GAB2: variants seen among roughly 807,000 people sequenced by gnomAD.
GAB2 encodes GRB2 associated binding protein 2.
GAB2 carries 26 observed loss-of-function variants against 65.5 expected under a neutral mutation model. That is an observed-to-expected ratio of 0.40 (90% confidence interval 0.29 to 0.55). GAB2 has a LOEUF of 0.55. Among genes scored for constraint, GAB2 ranks in the 20% least tolerant of loss-of-function variants. GAB2 has a pLI of 0.53. For missense variants in GAB2, 884 were observed against 875.8 expected, an observed-to-expected ratio of 1.01 and a Z score of -0.12; for synonymous variants, 321 against 329.6, an observed-to-expected ratio of 0.97 and a Z score of 0.28.
At position 78,280,782 on chromosome 11, in the gene GAB2, G is replaced by C; in HGVS notation, c.195C>G (p.Phe65Leu). 1 of 1,614,126 alleles carries C rather than the reference G, an allele frequency of 6.2e-7. No homozygotes were observed. Among genetic ancestry groups the C allele is most frequent in the East Asian group, 2.2e-5 (1 of 44,886 alleles). The change falls in exon 2 of 10, where the codon TTC becomes TTG. Residue 65 changes from phenylalanine (F) to leucine (L), a missense_variant. Phe to Leu is a conservative substitution (Grantham distance 22). Coordinates refer to ENST00000361507, the MANE Select transcript of GAB2 (RefSeq NM_080491.3). ...KKPLRIINLN[F>L]CEQVDAGLTF... ...TCAGGCCTGCATCTACCTGCTCACAGAAGTTCAGGTTGATGATCCGCAGAG... is the reference window on the plus strand; with the variant it reads ...TCAGGCCTGCATCTACCTGCTCACACAAGTTCAGGTTGATGATCCGCAGAG...
intron 3 of GAB2, among the ~76,000 whole-genome samples, chr11:78,244,663 TA>T (rs36056237): frequency 0.17 from 12,560 of 74,170 alleles, 531 homozygotes; most frequent in East Asian, 0.33. Context: ...ACATTCATAG[TA>T]AAAAAAAAAA....
intron 1 of GAB2, among the ~76,000 whole-genome samples, chr11:78,385,904 C>T (rs544881745): frequency 3.3e-5 from 5 of 152,214 alleles, no homozygotes; most frequent in Admixed American, 6.5e-5. Context: ...ATCTTTCATG[C>T]CTAGCACAAG....
chr11:78,338,751 T>A (rs909966832), intron 1 of GAB2, among the ~76,000 whole-genome samples: 3 of 152,162 alleles, frequency 2.0e-5, no homozygotes, highest in Non-Finnish European at 4.4e-5. Context: ...GGACCAGTCA[T>A]CCCATGATTG....
intron 1 of GAB2, among the ~76,000 whole-genome samples, chr11:78,339,038 T>C (rs1856049399): frequency 6.6e-6 from 1 of 152,126 alleles, no homozygotes. Context: ...TTTTTGTGCG[T>C]CAACCTCCCG....
At chr11:78,318,458 T>G (rs537322238) in intron 1 of GAB2, among the ~76,000 whole-genome samples, 1 of 147,556 alleles carries the variant, frequency 6.8e-6, no homozygotes. Flanking sequence ...TGGAGAGGGA[T>G]AGGATCCAGT....
intron 1 of GAB2, among the ~76,000 whole-genome samples, chr11:78,395,056 G>T (rs1856878515): frequency 6.6e-6 from 1 of 151,638 alleles, no homozygotes; most frequent in Admixed American, 6.5e-5. Flanking sequence ...CTGGGCACTG[G>T]AATGACTGGA....
At position 78,370,713 on chromosome 11, in the gene GAB2, G is replaced by A. The variant is rs112976209; in HGVS notation, c.75+46933C>T. Among the ~76,000 whole-genome samples the A allele has an allele frequency of 3.3e-5, 4 of 120,868 alleles. No individual in the cohort carries two copies. In the East Asian group the frequency reaches 1.1e-3, roughly 34 times the overall value. The allele number at this position is 120,868 out of a possible 152,430, so 79.3% of individuals were successfully genotyped here. A position where few individuals can be genotyped will look rare whatever the true frequency, so the allele number is the denominator to read the frequency against. On this transcript the variant is annotated intron_variant, in intron 1 of 9. Transcript: ENST00000361507. ...CTACTAATATTGTATGTGTGTGTGC[G>A]TGTGTGTGTGTATGTGTGTGTGTGT...
rs1856536563 is a variant in GAB2, at chr11:78,369,179, A to T, written c.75+48467T>A. Among the ~76,000 whole-genome samples, 6 of 151,334 alleles carry T rather than the reference A, an allele frequency of 4.0e-5. No individual in the cohort carries two copies. In the South Asian group the frequency reaches 1.0e-3, roughly 26 times the overall value. On this transcript the variant is annotated intron_variant, in intron 1 of 9. Coordinates refer to ENST00000361507, the MANE Select transcript of GAB2 (RefSeq NM_080491.3). ...AAAAAAAGTCAGATAAGTAATTCTC[A>T]ATGCCAGGAAAATTTATCATCCCTG...
intron 2 of GAB2, among the ~76,000 whole-genome samples, chr11:78,256,131 T>C (rs1481635257): frequency 1.3e-5 from 2 of 152,248 alleles, no homozygotes; most frequent in East Asian, 3.9e-4. Context: ...ATATCAGCAT[T>C]ATTCATGAGA....
intron 1 of GAB2, among the ~76,000 whole-genome samples, chr11:78,348,427 A>T (rs1409395301): frequency 6.6e-6 from 1 of 152,248 alleles, no homozygotes; most frequent in African/African-American, 2.4e-5. Flanking sequence ...AATGGGCAAA[A>T]GATTTGAACA....
intron 1 of GAB2, among the ~76,000 whole-genome samples, chr11:78,323,218 C>A (rs1230799889): frequency 1.3e-5 from 2 of 152,062 alleles, no homozygotes; most frequent in Non-Finnish European, 2.9e-5. Context: ...AATGTAGAAA[C>A]AGAAAACCAG....
chr11:78,342,277 ACT>A (rs1024799688), intron 1 of GAB2, among the ~76,000 whole-genome samples: 5 of 151,512 alleles, frequency 3.3e-5, no homozygotes, highest in African/African-American at 1.2e-4. Flanking sequence ...TCCCAGCCTT[ACT>A]CTCTGTTGAA....
chr11:78,383,039 A>G (rs1210054111), intron 1 of GAB2, among the ~76,000 whole-genome samples: 1 of 152,118 alleles, frequency 6.6e-6, no homozygotes, highest in Non-Finnish European at 1.5e-5. Context: ...TTGGGAGGCC[A>G]AGGCAGGTGG....
At chr11:78,314,067 T>C (rs532358621) in intron 1 of GAB2, among the ~76,000 whole-genome samples, 130 of 152,278 alleles carry the variant, frequency 8.5e-4, no homozygotes, top group African/African-American at 3.1e-3. Context: ...TCCTGTGCAA[T>C]TCACCCATAA....
At position 78,250,370 on chromosome 11, in the gene GAB2, T is replaced by C. The variant is rs777023521; in HGVS notation, c.407A>G (p.His136Arg). ...CTCAGCTGGAGAAGAGCGGGGGCCA[T>C]GACCGGCTGAGGAAACATTTCTCAG... ...DSLRNVSSAG[H>R]GPRSSPAELS... The change falls in exon 3 of 10, where the codon CAT becomes CGT. Residue 136 changes from histidine (H) to arginine (R), a missense_variant. Physicochemically the swap from His to Arg is conservative, Grantham distance 29. Transcript: ENST00000361507. The C allele has an allele frequency of 1.2e-6, 2 of 1,613,232 alleles. No individual in the cohort carries two copies. The highest frequency in any genetic ancestry group is 1.1e-5 in the South Asian group (1 of 91,014).
rs892669525 is a variant in GAB2, at chr11:78,215,588, C to T, written c.*3684G>A. ...GGCTTCCACTAGCCCATTTTCTCTT[C>T]CTGACAAACAGTGACAATTCTGCGT... On this transcript the variant is annotated 3_prime_UTR_variant, in exon 10 of 10. Transcript: ENST00000361507. 1 of 152,414 alleles carries T rather than the reference C, an allele frequency of 6.6e-6. No individual in the cohort carries two copies. Among genetic ancestry groups the T allele is most frequent in the East Asian group, 1.9e-4 (1 of 5,208 alleles). 9.4% of individuals were successfully genotyped at this position (152,414 alleles called of 1,614,324 possible). A position where few individuals can be genotyped will look rare whatever the true frequency, so the allele number is the denominator to read the frequency against.
At chr11:78,364,487 T>A (rs973804503) in intron 1 of GAB2, among the ~76,000 whole-genome samples, 9 of 152,252 alleles carry the variant, frequency 5.9e-5, no homozygotes, top group African/African-American at 2.2e-4. Context: ...ACACAATACA[T>A]GCTACTTTTT....
chr11:78,405,259 C>T (rs548868651), intron 1 of GAB2, among the ~76,000 whole-genome samples: 4 of 152,116 alleles, frequency 2.6e-5, no homozygotes, highest in South Asian at 2.1e-4. Flanking sequence ...CCACCACACC[C>T]GGCTAATTTT....
At chr11:78,291,561 C>CTTTTTTTTT (rs1163199130) in intron 1 of GAB2, among the ~76,000 whole-genome samples, 20 of 80,900 alleles carry the variant, frequency 2.5e-4, no homozygotes, top group East Asian at 7.7e-4. Flanking sequence ...TTTTCTTTTT[C>CTTTTTTTTT]TTTTTTTTTT....
Sources: gnomAD v4.1 joint callset for allele counts (sites outside exome capture counted in the v4.1 genomes callset) on GRCh38, gnomAD v4.1.1 for gene constraint, MANE v1.5 for transcripts, NCBI Gene and HGNC (gene_info 2026-07-23, HGNC 2026-07-21) for gene names.